BBS9: variants seen among roughly 807,000 people sequenced by gnomAD.
BBS9 encodes the protein Bardet-Biedl syndrome 9.
In BBS9, 89 loss-of-function variants were observed where a neutral mutation model predicts 117.7. The observed-to-expected ratio is 0.76, with a 90% CI of 0.64 to 0.90. BBS9 has a LOEUF of 0.90. Among genes scored for constraint, BBS9 ranks in the 40% least tolerant of loss-of-function variants. The pLI, the probability that BBS9 is intolerant of heterozygous loss-of-function variation, is 0.00. For missense variants in BBS9, 982 were observed against 1,042.2 expected, an observed-to-expected ratio of 0.94 and a Z score of 0.80; for synonymous variants, 379 against 370.9, an observed-to-expected ratio of 1.02 and a Z score of -0.25.
At chr7:33,534,365 T>C (rs1269710710) in intron 21 of BBS9, 189 bp downstream of exon 21, 2 of 654,644 alleles carry the variant, frequency 3.1e-6, no homozygotes, top group Admixed American at 2.3e-5. Flanking sequence ...ATTTGCTTGC[T>C]AGACATTTCC....
At chr7:33,397,851 G>A (rs1372914501) in intron 19 of BBS9, among the ~76,000 whole-genome samples, 1 of 152,124 alleles carries the variant, frequency 6.6e-6, no homozygotes, top group East Asian at 1.9e-4. Flanking sequence ...AGCATCAGGA[G>A]GAATAGCTAA....
At chr7:33,296,536 C>G (rs1379904069) in intron 9 of BBS9, among the ~76,000 whole-genome samples, 2 of 152,112 alleles carry the variant, frequency 1.3e-5, no homozygotes, top group African/African-American at 4.8e-5. Context: ...CCTAAAAGAG[C>G]AATATGGAAC....
chr7:33,551,970 A>G (rs889394548), intron 21 of BBS9, among the ~76,000 whole-genome samples: 1 of 152,112 alleles, frequency 6.6e-6, no homozygotes, highest in Non-Finnish European at 1.5e-5. Flanking sequence ...TTGGAGTACC[A>G]CAGTTTTTGA....
At chr7:33,273,287 A>G (rs958294024) in intron 8 of BBS9, 92 bp downstream of exon 8, 61 of 1,294,820 alleles carry the variant, frequency 4.7e-5, no homozygotes, top group Non-Finnish European at 6.2e-5. Flanking sequence ...TATTGTAAAC[A>G]TATATGAAAA....
chr7:33,565,764 C>T (rs1364263882), intron 21 of BBS9, among the ~76,000 whole-genome samples: 2 of 109,062 alleles, frequency 1.8e-5, no homozygotes, highest in Non-Finnish European at 3.6e-5. Flanking sequence ...CAATACAAAA[C>T]ATTAAGGCTA....
At chr7:33,246,812 T>C (rs1795406155) in intron 5 of BBS9, among the ~76,000 whole-genome samples, 2 of 152,084 alleles carry the variant, frequency 1.3e-5, no homozygotes, top group African/African-American at 4.8e-5. Flanking sequence ...TATGTGTGTG[T>C]GTTGGGGTGA....
At chr7:33,451,203 A>G (rs1280013269) in intron 19 of BBS9, among the ~76,000 whole-genome samples, 1 of 151,992 alleles carries the variant, frequency 6.6e-6, no homozygotes, top group Non-Finnish European at 1.5e-5. Flanking sequence ...GTTTTAATAA[A>G]GTTTTATATA....
downstream of BBS9, among the ~76,000 whole-genome samples, chr7:33,607,409 A>G (rs1043528995): frequency 6.6e-6 from 1 of 152,144 alleles, no homozygotes; most frequent in African/African-American, 2.4e-5. Flanking sequence ...CTTGGGTAAC[A>G]TTGATTTAAA....
chr7:33,492,146 T>A (rs1844012806), intron 19 of BBS9, among the ~76,000 whole-genome samples: 1 of 135,730 alleles, frequency 7.4e-6, no homozygotes. Context: ...GAGGCTACAG[T>A]GAGCCAAGAT....
chr7:33,264,256 C>T (rs1421149403), intron 6 of BBS9, 34 bp from the exon 7 acceptor site: 1 of 1,075,134 alleles, frequency 9.3e-7, no homozygotes, highest in African/African-American at 1.6e-5. Context: ...TAATTATAAA[C>T]TCATTTATAA....
In BBS9 at chr7:33,590,462, T is replaced by TTTTTGTTTTTG. The variant is rs1554551728; in HGVS notation, c.2522-14399_2522-14398insGTTTTTGTTTT. 2.1e-3 allele frequency among the ~76,000 whole-genome samples: 306 copies of TTTTTGTTTTTG among 145,284 alleles called. 8 individuals are homozygous for TTTTTGTTTTTG. Among genetic ancestry groups the TTTTTGTTTTTG allele is most frequent in the African/African-American group, 7.5e-3 (292 of 38,870 alleles). On this transcript the variant is annotated intron_variant, in intron 21 of 22. Transcript: ENST00000242067. ...CTGTTTGTTTTTTTGTTTTTTTGTT[T>TTTTTGTTTTTG]TTTTTTTTTTTTTTTACCAGATCAG...
At position 33,504,406 on chromosome 7, in the gene BBS9, C is replaced by A. The variant is rs1476610758; in HGVS notation, c.2116-1057C>A. ...CTCTCCCAACATGGAATTTGGGAGA[C>A]CACACAGCTGTACATTGTACTTGTT... On this transcript the variant is annotated intron_variant, in intron 19 of 22. Coordinates refer to ENST00000242067, the MANE Select transcript of BBS9 (RefSeq NM_198428.3). 2.6e-5 allele frequency among the ~76,000 whole-genome samples: 4 copies of A among 152,220 alleles called. No individual in the cohort carries two copies. In the East Asian group the frequency reaches 7.7e-4, roughly 29 times the overall value.
intron 19 of BBS9, among the ~76,000 whole-genome samples, chr7:33,450,864 GT>G (rs144231724): frequency 9.1e-4 from 128 of 140,210 alleles, no homozygotes; most frequent in Admixed American, 1.4e-3. Context: ...CTGTTCAGAA[GT>G]TTTTTTTTTT....
At chr7:33,451,562 C>A (rs1026003541) in intron 19 of BBS9, among the ~76,000 whole-genome samples, 1 of 152,138 alleles carries the variant, frequency 6.6e-6, no homozygotes, top group Admixed American at 6.5e-5. Flanking sequence ...ACATATCTGT[C>A]TTTATGCCAG....
chr7:33,619,024 A>G (rs1485667952), intron 21 of BBS9, among the ~76,000 whole-genome samples: 3 of 152,212 alleles, frequency 2.0e-5, no homozygotes, highest in African/African-American at 7.2e-5. Context: ...TAATTACATT[A>G]AATATAAATA....
chr7:33,135,027 G>A (rs1486389948), intron 1 of BBS9, among the ~76,000 whole-genome samples: 1 of 152,102 alleles, frequency 6.6e-6, no homozygotes, highest in African/African-American at 2.4e-5. Flanking sequence ...CCAGTAGCTG[G>A]GACTACAGGC....
intron 21 of BBS9, among the ~76,000 whole-genome samples, chr7:33,545,384 G>A (rs1853138320): frequency 6.6e-6 from 1 of 152,106 alleles, no homozygotes; most frequent in African/African-American, 2.4e-5. Flanking sequence ...GGGCCTTTCT[G>A]CTGCTTCCTC....
At chr7:33,223,508 T>C (rs1173192510) in intron 5 of BBS9, among the ~76,000 whole-genome samples, 1 of 152,200 alleles carries the variant, frequency 6.6e-6, no homozygotes, top group Non-Finnish European at 1.5e-5. Context: ...TTTAGCCAAC[T>C]CCTGCTCATT....
intron 11 of BBS9, among the ~76,000 whole-genome samples, chr7:33,342,702 G>A (rs547482379): frequency 6.6e-6 from 1 of 152,184 alleles, no homozygotes; most frequent in African/African-American, 2.4e-5. Flanking sequence ...TGGCTTTGGT[G>A]CCATGACGTC....
Sources: allele counts gnomAD v4.1 joint callset (sites outside exome capture counted in the v4.1 genomes callset), GRCh38; gene constraint gnomAD v4.1.1; transcripts MANE v1.5; gene names NCBI Gene and HGNC (gene_info 2026-07-23, HGNC 2026-07-21).